Variants in QTGAL observed in about 807,000 individuals in gnomAD.
QTGAL encodes the protein BGnT-like protein 1.
chr17:82,986,487 G>A, the QTGAL span, among the ~76,000 whole-genome samples: 1 of 152,246 alleles, frequency 6.6e-6, no homozygotes, highest in Non-Finnish European at 1.5e-5. Context: ...CCTGTAAGAG[G>A]CCATCAATGG....
the QTGAL span, among the ~76,000 whole-genome samples, chr17:82,960,647 C>T: frequency 7.2e-5 from 11 of 152,310 alleles, 3 homozygotes; most frequent in South Asian, 2.3e-3. Context: ...CGCGTCCTCA[C>T]TGGGTGCTGC....
chr17:83,016,831 G>T, the QTGAL span, among the ~76,000 whole-genome samples: 3 of 152,044 alleles, frequency 2.0e-5, no homozygotes, highest in Non-Finnish European at 4.4e-5. Flanking sequence ...ACCCTGACAG[G>T]TATTTCAAAA....
the QTGAL span, among the ~76,000 whole-genome samples, chr17:83,018,861 C>G: frequency 6.6e-6 from 1 of 152,216 alleles, no homozygotes; most frequent in African/African-American, 2.4e-5. Context: ...CGCACTGACT[C>G]CAAATGAGCC....
chr17:82,963,008 C>T, the QTGAL span, among the ~76,000 whole-genome samples: 2 of 152,138 alleles, frequency 1.3e-5, no homozygotes, highest in Admixed American at 1.3e-4. Flanking sequence ...CCTGGACTGC[C>T]CTGTGGTGTG....
chr17:83,021,870 A>G, the QTGAL span, among the ~76,000 whole-genome samples: 1 of 152,224 alleles, frequency 6.6e-6, no homozygotes, highest in Non-Finnish European at 1.5e-5. Flanking sequence ...GATCAGTGGA[A>G]CAGAACAGAG....
chr17:83,021,004 G>A, the QTGAL span, among the ~76,000 whole-genome samples: 1 of 152,220 alleles, frequency 6.6e-6, no homozygotes, highest in East Asian at 1.9e-4. Flanking sequence ...TGTTCCACAC[G>A]AGTATTTGCC....
chr17:82,998,919 A>G, the QTGAL span, among the ~76,000 whole-genome samples: 1 of 152,006 alleles, frequency 6.6e-6, no homozygotes, highest in Non-Finnish European at 1.5e-5. Flanking sequence ...GCAAACTAAA[A>G]TCACCACGAG....
At chr17:83,049,548 G>C in the QTGAL span, among the ~76,000 whole-genome samples, 1 of 151,468 alleles carries the variant, frequency 6.6e-6, no homozygotes, top group South Asian at 2.1e-4. Flanking sequence ...GAGTAGCTGG[G>C]ATTACAGGTG....
chr17:82,981,829 T>C, the QTGAL span: 1 of 152,260 alleles, frequency 6.6e-6, no homozygotes, highest in Non-Finnish European at 1.5e-5. Flanking sequence ...GTGATCAACA[T>C]TGTCCTGTAC....
chr17:82,943,126 C>T, the QTGAL span: 26,815 of 152,770 alleles, frequency 0.18, 2,729 homozygotes, highest in Admixed American at 0.24. Flanking sequence ...CAAGGGGAAT[C>T]GTCAGAGTCC....
chr17:83,040,906 A>T, the QTGAL span, among the ~76,000 whole-genome samples: 2 of 152,130 alleles, frequency 1.3e-5, no homozygotes, highest in Non-Finnish European at 2.9e-5. Flanking sequence ...TCTACTAAAA[A>T]ATACAAAAAA....
the QTGAL span, among the ~76,000 whole-genome samples, chr17:82,986,568 C>T: frequency 1.1e-4 from 17 of 152,186 alleles, no homozygotes; most frequent in African/African-American, 3.6e-4. Context: ...CCCGCTTTTC[C>T]GCGTGACACA....
the QTGAL span, chr17:83,006,119 C>T: frequency 6.1e-6 from 6 of 988,946 alleles, no homozygotes; most frequent in Non-Finnish European, 7.2e-6. The surrounding 1 kb of genome is among the most constrained non-coding windows in gnomAD (Gnocchi z 5.8). Flanking sequence ...GGTCACAAGT[C>T]CCAGCGGACG....
the QTGAL span, chr17:83,049,170 G>A: frequency 0.27 from 52,591 of 192,000 alleles, 7,345 homozygotes; most frequent in East Asian, 0.39. Flanking sequence ...GGAGAATGGC[G>A]TGAACCCGGG....
At chr17:82,979,590 C>A in the QTGAL span, among the ~76,000 whole-genome samples, 1 of 152,076 alleles carries the variant, frequency 6.6e-6, no homozygotes, top group Non-Finnish European at 1.5e-5. Context: ...CTAAAAACTA[C>A]AACATGTGAA....
chr17:83,005,760 G>T, the QTGAL span: 22 of 869,732 alleles, frequency 2.5e-5, no homozygotes, highest in South Asian at 3.5e-4. The surrounding 1 kb of genome is among the most constrained non-coding windows in gnomAD (Gnocchi z 5.6). Context: ...CCCTGCCTCA[G>T]GTGACATCCT....
At chr17:83,012,651 G>C in the QTGAL span, among the ~76,000 whole-genome samples, 2 of 152,292 alleles carry the variant, frequency 1.3e-5, no homozygotes, top group South Asian at 4.2e-4. Context: ...ACGTGGCAGG[G>C]ACGCCCCTTT....
At chr17:82,965,542 G>A in the QTGAL span, 1 of 1,111,002 alleles carries the variant, frequency 9.0e-7, no homozygotes, top group Non-Finnish European at 1.3e-6. Context: ...TAAATCTGCA[G>A]AGCCCCGGAG....
the QTGAL span, among the ~76,000 whole-genome samples, chr17:83,020,897 T>C: frequency 6.6e-6 from 1 of 152,180 alleles, no homozygotes; most frequent in African/African-American, 2.4e-5. Context: ...AGAGAGATCA[T>C]TGCGAAGGGG....
Sources: gnomAD v4.1 joint callset for allele counts (sites outside exome capture counted in the v4.1 genomes callset) on GRCh38, gnomAD v4.1.1 for gene constraint, Gnocchi (gnomAD v3.1) non-coding constraint, MANE v1.5 for transcripts, NCBI Gene and HGNC (gene_info 2026-07-23, HGNC 2026-07-21) for gene names.